FNDC7: variants seen among roughly 807,000 people sequenced by gnomAD.
FNDC7 encodes fibronectin type III domain containing 7.
In FNDC7, 66 loss-of-function variants were observed where a neutral mutation model predicts 74.2. The observed-to-expected ratio is 0.89, with a 90% CI of 0.73 to 1.09. FNDC7 has a LOEUF of 1.09. Among genes scored for constraint, FNDC7 ranks in the 50% least tolerant of loss-of-function variants. FNDC7 has a pLI of 0.00. For missense variants in FNDC7, 829 were observed against 893.4 expected, an observed-to-expected ratio of 0.93 and a Z score of 0.92; for synonymous variants, 307 against 330.2, an observed-to-expected ratio of 0.93 and a Z score of 0.76.
intron 5 of FNDC7, among the ~76,000 whole-genome samples, chr1:108,723,877 G>T (rs1011279671): frequency 1.3e-5 from 2 of 152,308 alleles, no homozygotes; most frequent in East Asian, 3.9e-4. Context: ...CTCCCCAGTT[G>T]ATTCTACTAT....
chr1:108,739,598 T>C (rs77349163), intron 11 of FNDC7, among the ~76,000 whole-genome samples: 1 of 152,168 alleles, frequency 6.6e-6, no homozygotes, highest in Non-Finnish European at 1.5e-5. Context: ...CAAGTTTGAG[T>C]AGCACTGCTT....
intron 7 of FNDC7, 101 bp downstream of exon 7, chr1:108,728,166 C>A (rs1661262038): frequency 9.3e-6 from 13 of 1,396,258 alleles, no homozygotes; most frequent in Non-Finnish European, 2.0e-6. Context: ...AAGGTTAAAT[C>A]CCATTAATCA....
chr1:108,716,796 T>G (rs1322002317), intron 2 of FNDC7, among the ~76,000 whole-genome samples: 1 of 152,038 alleles, frequency 6.6e-6, no homozygotes, highest in Admixed American at 6.5e-5. Context: ...GTCTTCCCTT[T>G]AGTTTTGAAT....
chr1:108,724,660 G>A (rs1220498726), intron 5 of FNDC7, among the ~76,000 whole-genome samples: 4 of 151,878 alleles, frequency 2.6e-5, no homozygotes, highest in Non-Finnish European at 4.4e-5. Context: ...AGGCTGAGGT[G>A]GGAGGATCAC....
chr1:108,721,232 G>T (rs1013353863), intron 4 of FNDC7, among the ~76,000 whole-genome samples: 1 of 152,234 alleles, frequency 6.6e-6, no homozygotes, highest in East Asian at 1.9e-4. Flanking sequence ...CACTTTGGGA[G>T]GCTGAGGCGG....
In FNDC7 at chr1:108,736,058, G is replaced by A. The variant is rs373639557; in HGVS notation, c.2141-1437G>A. Among the ~76,000 whole-genome samples, 62 of 152,190 alleles carry A rather than the reference G, an allele frequency of 4.1e-4. No homozygotes were observed. The South Asian group carries it at 0.012, about 29-fold the overall frequency. On this transcript the variant is annotated intron_variant, in intron 10 of 12. Transcript: ENST00000370017. The stretch of plus-strand genomic sequence containing the variant: ...CCCGGGCTCAAGCAATCCTCTCGCC[G>A]CAGCCTCCCAAAGAGCTGAGATTAC...
At chr1:108,713,559 T>C in intron 2 of FNDC7, 30 bp downstream of exon 2, 1 of 1,531,566 alleles carries the variant, frequency 6.5e-7, no homozygotes, top group South Asian at 1.2e-5. Flanking sequence ...AAGTTTTTCC[T>C]TCTCGTATTT....
chr1:108,735,839 T>C (rs939275614), intron 10 of FNDC7, among the ~76,000 whole-genome samples: 1 of 152,172 alleles, frequency 6.6e-6, no homozygotes, highest in Non-Finnish European at 1.5e-5. Flanking sequence ...AGGGTCTTGC[T>C]TTTTCATCCA....
At chr1:108,741,124 G>A (rs1345768451) in intron 11 of FNDC7, among the ~76,000 whole-genome samples, 1 of 152,140 alleles carries the variant, frequency 6.6e-6, no homozygotes, top group Non-Finnish European at 1.5e-5. Flanking sequence ...AAGTGCTTCT[G>A]ATGGATGCTA....
chr1:108,737,955 G>A (rs774654465), intron 11 of FNDC7, among the ~76,000 whole-genome samples: 17 of 152,218 alleles, frequency 1.1e-4, no homozygotes, highest in Admixed American at 2.0e-4. Context: ...AAGCTCTTCA[G>A]GTGATTCTGA....
intron 10 of FNDC7, among the ~76,000 whole-genome samples, chr1:108,736,868 G>A (rs1186394645): frequency 1.3e-5 from 2 of 151,820 alleles, no homozygotes; most frequent in Non-Finnish European, 2.9e-5. Context: ...TGACAATAAC[G>A]ACTAATGTTT....
intron 9 of FNDC7, 60 bp downstream of exon 9, chr1:108,730,988 G>A (rs4970810): frequency 0.53 from 786,955 of 1,491,632 alleles, 211,313 homozygotes; most frequent in African/African-American, 0.58. Context: ...ATCCAGGCAT[G>A]AGCCTTTCCT....
At chr1:108,717,636 T>C in intron 2 of FNDC7, 141 bp from the exon 3 acceptor site, 1 of 856,936 alleles carries the variant, frequency 1.2e-6, no homozygotes, top group South Asian at 1.8e-5. Flanking sequence ...TTTTTCTCTG[T>C]TTTTCCTTGA....
rs374590221 is a variant in FNDC7, at chr1:108,725,954, AT to A, written c.1062del (p.Tyr354Ter). ...ACTTATTTTATTAGTGTTTTTGTCTATAACAAGGCAGGGCAAAGTCCTTTGG... is the reference window on the plus strand; with the variant it reads ...ACTTATTTTATTAGTGTTTTTGTCTAAACAAGGCAGGGCAAAGTCCTTTGG... The part of the protein sequence containing the change: ...GFTYFISVFV[Y>X]NKAGQSPLGD... On this transcript the variant is annotated frameshift_variant, in exon 6 of 13. Coordinates refer to ENST00000370017, the MANE Select transcript of FNDC7 (RefSeq NM_001144937.3). LOFTEE classifies it high-confidence loss of function. 2.3e-4 allele frequency: 376 copies of A among 1,614,118 alleles called. 1 individual carries two copies. In the African/African-American group the frequency reaches 4.4e-3, roughly 19 times the overall value.
In FNDC7 at chr1:108,727,904, C is replaced by A; in HGVS notation, c.1208C>A (p.Thr403Asn). The change falls in exon 7 of 13, where the codon ACC becomes AAC. Residue 403 changes from threonine to asparagine, a missense_variant. By Grantham distance (65) the Thr-to-Asn change is moderately conservative (BLOSUM62 0). Transcript: ENST00000370017. ...SPVRGAELYE[T>N]KAVDGYNMVE... The stretch of plus-strand genomic sequence containing the variant: ...GTCCGTGGTGCCGAACTGTATGAAA[C>A]CAAGGCTGTAGATGGGTACAACATG... The A allele has an allele frequency of 6.2e-7, 1 of 1,614,164 alleles. No homozygotes were observed. Among genetic ancestry groups the A allele is most frequent in the Non-Finnish European group, 8.5e-7 (1 of 1,180,044 alleles).
intron 5 of FNDC7, among the ~76,000 whole-genome samples, chr1:108,723,691 G>A (rs899827297): frequency 6.6e-6 from 1 of 152,206 alleles, no homozygotes; most frequent in African/African-American, 2.4e-5. Flanking sequence ...AAGCATAGCA[G>A]TTCTGAGTTA....
Position 108,742,033 on chromosome 1 carries a change from G to C in FNDC7, c.*146G>C. ...CTTTGGCCTTTAGAAGAACAACTCT[G>C]ACTCTGCTTCCTGAGGGCAAGGTCA... On this transcript the variant is annotated 3_prime_UTR_variant, in exon 13 of 13. Coordinates refer to ENST00000370017, the MANE Select transcript of FNDC7 (RefSeq NM_001144937.3). The C allele has an allele frequency of 1.8e-6, 1 of 568,558 alleles. No homozygotes were observed. The highest frequency in any genetic ancestry group is 3.1e-6 in the Non-Finnish European group (1 of 321,394). 35.2% of individuals were successfully genotyped at this position (568,558 alleles called of 1,614,324 possible). A position where few individuals can be genotyped will look rare whatever the true frequency, so the allele number is the denominator to read the frequency against.
At chr1:108,729,738 G>A (rs1570732138) in intron 8 of FNDC7, among the ~76,000 whole-genome samples, 1 of 152,152 alleles carries the variant, frequency 6.6e-6, no homozygotes, top group Non-Finnish European at 1.5e-5. Flanking sequence ...TGAATGAAAC[G>A]TGGCAAATCA....
At chr1:108,735,383 C>T (rs895064167) in intron 10 of FNDC7, among the ~76,000 whole-genome samples, 4 of 152,182 alleles carry the variant, frequency 2.6e-5, no homozygotes, top group Non-Finnish European at 5.9e-5. Flanking sequence ...TACTTTTATG[C>T]TGCCACATCT....
Sources: gnomAD v4.1 joint callset for allele counts (sites outside exome capture counted in the v4.1 genomes callset) on GRCh38, gnomAD v4.1.1 for gene constraint, MANE v1.5 for transcripts, NCBI Gene and HGNC (gene_info 2026-07-23, HGNC 2026-07-21) for gene names.